The following ZBTB20 variants were observed in gnomAD, a reference collection of about 807,000 sequenced individuals.
The protein encoded by ZBTB20 is zinc finger and BTB domain containing 20.
In ZBTB20, 9 loss-of-function variants were observed where a neutral mutation model predicts 56.9. That is an observed-to-expected ratio of 0.16 (90% CI 0.10 to 0.28). The LOEUF (loss-of-function observed/expected upper bound fraction) is 0.28. Ranked by LOEUF, ZBTB20 falls within the 10% of genes least tolerant of loss-of-function variation. ZBTB20 has a pLI of 1.00. For missense variants in ZBTB20, 655 were observed against 1,003.0 expected (o/e 0.65, Z 4.69); for synonymous variants, 417 against 420.7 (o/e 0.99, Z 0.11).
At chr3:115,095,764 G>T (rs2083359305) in intron 1 of ZBTB20, among the ~76,000 whole-genome samples, 1 of 151,986 alleles carries the variant, frequency 6.6e-6, no homozygotes, top group Non-Finnish European at 1.5e-5. Context: ...AAACATAATT[G>T]TCATCAACAT....
At chr3:114,738,201 GTAAA>G in intron 5 of ZBTB20, among the ~76,000 whole-genome samples, 1 of 151,102 alleles carries the variant, frequency 6.6e-6, no homozygotes, top group Middle Eastern at 3.5e-3. Context: ...ACTAGATATG[GTAAA>G]TATATTTATC....
At chr3:114,949,806 T>C (rs1272142625) in intron 3 of ZBTB20, among the ~76,000 whole-genome samples, 6 of 151,876 alleles carry the variant, frequency 4.0e-5, no homozygotes, top group Non-Finnish European at 7.4e-5. Context: ...AGTAAAAACA[T>C]AAGCTTCAGA....
chr3:114,785,953 G>C (rs2070452461), intron 5 of ZBTB20, among the ~76,000 whole-genome samples: 1 of 151,908 alleles, frequency 6.6e-6, no homozygotes, highest in Non-Finnish European at 1.5e-5. Context: ...CCAGCTCCTG[G>C]CAATCACCAT....
chr3:114,593,445 C>T (rs541713013), intron 6 of ZBTB20, among the ~76,000 whole-genome samples: 4 of 144,484 alleles, frequency 2.8e-5, no homozygotes, highest in East Asian at 2.0e-4. Context: ...AGTGCAATGG[C>T]GTGATCTCGG....
intron 4 of ZBTB20, among the ~76,000 whole-genome samples, chr3:114,839,139 GC>G (rs2074254965): frequency 6.6e-6 from 1 of 152,114 alleles, no homozygotes; most frequent in Non-Finnish European, 1.5e-5. Context: ...GCTGTCTCAT[GC>G]CTATAATCCC....
chr3:114,964,942 T>A (rs1385139197), intron 3 of ZBTB20, among the ~76,000 whole-genome samples: 5 of 152,214 alleles, frequency 3.3e-5, no homozygotes, highest in Non-Finnish European at 7.4e-5. Flanking sequence ...CCCATAATGT[T>A]ATTTGGAAGC....
intron 7 of ZBTB20, among the ~76,000 whole-genome samples, chr3:114,391,088 C>T (rs1002457653): frequency 3.9e-5 from 6 of 152,148 alleles, no homozygotes; most frequent in African/African-American, 1.4e-4. Context: ...ATACCAGCCC[C>T]TATTTCTCCC....
At chr3:114,461,352 T>A (rs1349307402) in intron 7 of ZBTB20, among the ~76,000 whole-genome samples, 1 of 142,722 alleles carries the variant, frequency 7.0e-6, no homozygotes. Context: ...GAGGCTGGAG[T>A]GCACTGGTGG....
Position 114,872,426 on chromosome 3 carries a change from G to A in ZBTB20, c.-417+27878C>T, listed in dbSNP as rs929898245. Among the ~76,000 whole-genome samples the A allele has an allele frequency of 2.0e-5, 3 of 152,070 alleles. No homozygotes were observed. In the South Asian group the frequency reaches 6.2e-4, roughly 32 times the overall value. ...GATTATGTTACATATGATAATTTAA[G>A]TAGCCAAAAGTTGACTCAGGTTGAG... On this transcript the variant is annotated intron_variant, in intron 4 of 11. Transcript: ENST00000675478.
At chr3:115,020,461 A>G (rs1358987183) in intron 2 of ZBTB20, among the ~76,000 whole-genome samples, 3 of 151,182 alleles carry the variant, frequency 2.0e-5, no homozygotes, top group Non-Finnish European at 4.5e-5. Flanking sequence ...CACTACAGTC[A>G]GGTCTAGACA....
intron 1 of ZBTB20, among the ~76,000 whole-genome samples, chr3:115,109,423 G>A (rs2083812636): frequency 6.6e-6 from 1 of 152,060 alleles, no homozygotes. Flanking sequence ...AAATACAAAA[G>A]TTGCTACTAT....
intron 7 of ZBTB20, among the ~76,000 whole-genome samples, chr3:114,459,088 G>A (rs1162647415): frequency 6.6e-6 from 1 of 152,174 alleles, no homozygotes; most frequent in Non-Finnish European, 1.5e-5. Flanking sequence ...AAGGTTTCTA[G>A]ATCTTTGCTC....
chr3:115,116,072 G>A (rs2084009474), intron 1 of ZBTB20, among the ~76,000 whole-genome samples: 1 of 151,810 alleles, frequency 6.6e-6, no homozygotes, highest in South Asian at 2.1e-4. Flanking sequence ...TCTTTTCTAT[G>A]CTTTTTTTCA....
At chr3:115,092,867 TA>T (rs2083248608) in intron 1 of ZBTB20, among the ~76,000 whole-genome samples, 1 of 152,110 alleles carries the variant, frequency 6.6e-6, no homozygotes, top group South Asian at 2.1e-4. Context: ...ATCACAAAAT[TA>T]AAGTGCCTGT....
intron 1 of ZBTB20, among the ~76,000 whole-genome samples, chr3:115,115,209 T>C (rs1175226730): frequency 6.6e-6 from 1 of 152,120 alleles, no homozygotes; most frequent in Non-Finnish European, 1.5e-5. Flanking sequence ...AAATAGCTTG[T>C]CTGTAAAAGA....
intron 2 of ZBTB20, among the ~76,000 whole-genome samples, chr3:115,020,233 A>G (rs1405132292): frequency 2.6e-5 from 4 of 151,192 alleles, no homozygotes; most frequent in Non-Finnish European, 5.9e-5. Context: ...CTTATTCAAA[A>G]AGACAAATTA....
chr3:114,906,073 A>G (rs2075306194), intron 3 of ZBTB20, among the ~76,000 whole-genome samples: 1 of 151,766 alleles, frequency 6.6e-6, no homozygotes, highest in Non-Finnish European at 1.5e-5. Context: ...CTTTCCCACT[A>G]GATTGTATAC....
intron 1 of ZBTB20, among the ~76,000 whole-genome samples, chr3:115,114,439 A>G (rs1159407003): frequency 1.3e-5 from 2 of 152,178 alleles, no homozygotes; most frequent in Non-Finnish European, 2.9e-5. Context: ...CAATTATGTA[A>G]AATACTTTGT....
intron 6 of ZBTB20, among the ~76,000 whole-genome samples, chr3:114,688,697 T>C (rs1246448724): frequency 1.3e-5 from 2 of 152,044 alleles, no homozygotes; most frequent in East Asian, 1.9e-4. Context: ...AAGAGAGAAA[T>C]AGTTAAGGGC....
Sources: gnomAD v4.1 joint callset for allele counts (sites outside exome capture counted in the v4.1 genomes callset) on GRCh38, gnomAD v4.1.1 for gene constraint, MANE v1.5 for transcripts, NCBI Gene and HGNC (gene_info 2026-07-23, HGNC 2026-07-21) for gene names.